Variants in TCF7L2 observed in about 807,000 individuals in gnomAD.
TCF7L2 encodes transcription factor 7-like 2.
Under a neutral mutation model 77.9 loss-of-function variants are expected in TCF7L2, and 23 were observed. The observed-to-expected ratio is 0.30, with a 90% confidence interval of 0.21 to 0.42. The LOEUF is 0.42. TCF7L2 is among the 10% of genes least tolerant of loss of function. The pLI, the probability that TCF7L2 is intolerant of heterozygous loss-of-function variation, is 1.00. For synonymous variants in TCF7L2, 413 were observed against 340.2 expected, an observed-to-expected ratio of 1.21 and a Z score of -2.36; for missense variants, 654 against 793.1, an observed-to-expected ratio of 0.82 and a Z score of 2.11.
chr10:112,989,388 A>G (rs369822197), intron 4 of TCF7L2, among the ~76,000 whole-genome samples: 11 of 151,956 alleles, frequency 7.2e-5, no homozygotes, highest in African/African-American at 2.4e-4. Flanking sequence ...AAAAAGCCAA[A>G]ACACTTTATA....
intron 4 of TCF7L2, among the ~76,000 whole-genome samples, chr10:113,032,567 GAC>G (rs890548111): frequency 6.6e-6 from 1 of 152,206 alleles, no homozygotes; most frequent in African/African-American, 2.4e-5. Context: ...TGTACTTTGA[GAC>G]ACACATCCTG....
intron 4 of TCF7L2, among the ~76,000 whole-genome samples, chr10:113,032,681 C>T (rs556223906): frequency 6.6e-6 from 1 of 152,328 alleles, no homozygotes; most frequent in Admixed American, 6.5e-5. Flanking sequence ...ATCCGGTATG[C>T]TGGAGACCTA....
chr10:113,005,303 G>C (rs2045335303), intron 4 of TCF7L2, among the ~76,000 whole-genome samples: 2 of 152,222 alleles, frequency 1.3e-5, no homozygotes, highest in African/African-American at 4.8e-5. Context: ...CTGGGAGAAA[G>C]ACTGGGTCTC....
chr10:112,982,708 TC>T (rs1448783823), intron 4 of TCF7L2, among the ~76,000 whole-genome samples: 2 of 152,152 alleles, frequency 1.3e-5, no homozygotes, highest in African/African-American at 4.8e-5. Flanking sequence ...GCAGCCTCCA[TC>T]CACCTCCCGG....
chr10:113,144,523 G>A (rs911110714), intron 7 of TCF7L2, among the ~76,000 whole-genome samples: 1 of 152,168 alleles, frequency 6.6e-6, no homozygotes, highest in African/African-American at 2.4e-5. Flanking sequence ...ATTAGGGCAT[G>A]TTCTTGTATG....
intron 4 of TCF7L2, among the ~76,000 whole-genome samples, chr10:112,992,169 G>C (rs984573140): frequency 1.3e-5 from 2 of 152,140 alleles, no homozygotes; most frequent in Non-Finnish European, 2.9e-5. Flanking sequence ...GAGGAGGGGT[G>C]GGGGGCAGAG....
At chr10:113,160,571 AC>A (rs1189530129) in intron 12 of TCF7L2, 3 of 1,533,522 alleles carry the variant, frequency 2.0e-6, no homozygotes, top group Non-Finnish European at 2.7e-6. Context: ...CCAACTGAGC[AC>A]GACCCACCAT....
At position 113,151,912 on chromosome 10, in the gene TCF7L2, C is replaced by T. The variant is rs942444814; in HGVS notation, c.1161+28C>T. The T allele has an allele frequency of 5.5e-5, 71 of 1,285,766 alleles. No homozygotes were observed. The Admixed American group carries it at 8.9e-4, about 16-fold the overall frequency. 79.6% of individuals were successfully genotyped at this position (1,285,766 alleles called of 1,614,324 possible). On this transcript the variant is annotated intron_variant, in intron 10 of 13. Coordinates refer to ENST00000627217, the MANE Select transcript of TCF7L2 (RefSeq NM_001146274.2). The surrounding 1 kb of genome is among the most constrained non-coding windows in gnomAD (Gnocchi z 5.2). ...AGGTGACGCCCTTCTCAGGGAGAAG[C>T]GGGGGGCGGGTGGTGAGGGACCAGA...
rs771798189 is a variant in TCF7L2 at position 112,955,986 on chromosome 10, A to AT, written c.381+4382dup. 3.9e-5 allele frequency among the ~76,000 whole-genome samples: 6 copies of AT among 152,180 alleles called. No homozygotes were observed. In the East Asian group the frequency reaches 1.2e-3, roughly 29 times the overall value. ...CTGGCTGTGTGCAAAAAGTGCCTAG[A>AT]TTTCTCGGTGGAGAAATCCTGGTGC... On this transcript the variant is annotated intron_variant, in intron 3 of 13. Coordinates refer to ENST00000627217, the MANE Select transcript of TCF7L2 (RefSeq NM_001146274.2).
chr10:113,157,167 G>A (rs1293921721), intron 11 of TCF7L2, among the ~76,000 whole-genome samples: 4 of 152,212 alleles, frequency 2.6e-5, no homozygotes, highest in African/African-American at 4.8e-5. Context: ...TGCCCAGGCT[G>A]GCATGCAGTA....
chr10:113,081,553 G>T (rs1171198206), intron 5 of TCF7L2, among the ~76,000 whole-genome samples: 4 of 152,174 alleles, frequency 2.6e-5, no homozygotes, highest in Non-Finnish European at 5.9e-5. Flanking sequence ...TCATTGATGA[G>T]CATGGTTTTT....
At chr10:112,994,054 C>CAAAAA (rs762753537) in intron 4 of TCF7L2, among the ~76,000 whole-genome samples, 16 of 111,690 alleles carry the variant, frequency 1.4e-4, no homozygotes, top group African/African-American at 3.2e-4. Context: ...GACTCTGTCT[C>CAAAAA]AAAAAAAAAA....
intron 13 of TCF7L2, among the ~76,000 whole-genome samples, chr10:113,164,507 A>G (rs951753377): frequency 1.3e-5 from 2 of 151,956 alleles, no homozygotes; most frequent in Non-Finnish European, 2.9e-5. Flanking sequence ...TATTGACAAG[A>G]GCAGGATGCC....
intron 4 of TCF7L2, among the ~76,000 whole-genome samples, chr10:113,023,857 A>G (rs1411600731): frequency 6.6e-6 from 1 of 151,668 alleles, no homozygotes; most frequent in Admixed American, 6.6e-5. Flanking sequence ...TTTAGTAGAG[A>G]TGGGGTTTCA....
intron 4 of TCF7L2, among the ~76,000 whole-genome samples, chr10:113,009,492 A>T (rs2046103876): frequency 6.6e-6 from 1 of 152,130 alleles, no homozygotes; most frequent in Non-Finnish European, 1.5e-5. Flanking sequence ...CCTGCCACCG[A>T]AGGGTGTGGG....
At chr10:113,039,767 G>T (rs2052097556) in intron 4 of TCF7L2, among the ~76,000 whole-genome samples, 1 of 151,774 alleles carries the variant, frequency 6.6e-6, no homozygotes, top group Non-Finnish European at 1.5e-5. Context: ...TTTTTCTGAA[G>T]CTACCCTGTA....
chr10:113,082,265 C>G (rs137986049), intron 5 of TCF7L2, among the ~76,000 whole-genome samples: 2,268 of 151,760 alleles, frequency 0.015, 31 homozygotes, highest in Non-Finnish European at 0.021. Flanking sequence ...AGTGTCAATA[C>G]AGTTAAAAAG....
At chr10:113,003,217 C>T (rs1453692122) in intron 4 of TCF7L2, among the ~76,000 whole-genome samples, 2 of 152,216 alleles carry the variant, frequency 1.3e-5, no homozygotes, top group African/African-American at 2.4e-5. Context: ...ACTCCCCCCA[C>T]CTCCCACCTT....
chr10:113,034,325 A>C (rs1248793711), intron 4 of TCF7L2, among the ~76,000 whole-genome samples: 1 of 152,298 alleles, frequency 6.6e-6, no homozygotes, highest in East Asian at 1.9e-4. Context: ...TATGAGAATC[A>C]TAATCGTGGT....
Sources: gnomAD v4.1 joint callset for allele counts (sites outside exome capture counted in the v4.1 genomes callset) on GRCh38, gnomAD v4.1.1 for gene constraint, Gnocchi (gnomAD v3.1) non-coding constraint, MANE v1.5 for transcripts, NCBI Gene and HGNC (gene_info 2026-07-23, HGNC 2026-07-21) for gene names.